The following NTRK1 variants were observed in gnomAD, a reference collection of about 807,000 sequenced individuals.
NTRK1 encodes neurotrophic receptor tyrosine kinase 1.
In NTRK1, 62 loss-of-function variants were observed where a neutral mutation model predicts 86.8. The observed-to-expected ratio is 0.71, with a 90% CI of 0.58 to 0.88. The LOEUF is 0.88. Ranked by LOEUF, NTRK1 falls within the 40% of genes least tolerant of loss-of-function variation. The pLI is 0.00. For synonymous variants in NTRK1, 469 were observed against 456.6 expected (o/e 1.03, Z -0.35); for missense variants, 967 against 1,078.4 (o/e 0.90, Z 1.45).
chr1:156,844,697 G>A (rs1302816619), intron 2 of NTRK1: 3 of 1,614,082 alleles, frequency 1.9e-6, no homozygotes, highest in Non-Finnish European at 1.7e-6. Flanking sequence ...GGGGTCCCAC[G>A]GGCACCTACC....
At chr1:156,868,017 C>T in intron 4 of NTRK1, 87 bp from the exon 5 acceptor site, 1 of 1,476,150 alleles carries the variant, frequency 6.8e-7, no homozygotes, top group Non-Finnish European at 9.4e-7. Context: ...GTAGACGGTC[C>T]TCCCTGCTGC....
chr1:156,818,514 C>T (rs1481592929), intron 1 of NTRK1, among the ~76,000 whole-genome samples: 2 of 152,170 alleles, frequency 1.3e-5, no homozygotes, highest in Non-Finnish European at 2.9e-5. Context: ...TCCCTTATAT[C>T]ACTCTCATGC....
At position 156,849,130 on chromosome 1, in the gene NTRK1, A is replaced by C. The variant is rs1052955476; in HGVS notation, c.50+6937A>C. The stretch of plus-strand genomic sequence containing the variant: ...CCTGACCCCGCGGCATCCCATTCCC[A>C]GTGAGACCTCTGAGGAGAACTTCTC... On this transcript the variant is annotated intron_variant, in intron 2 of 16. Transcript: ENST00000392302. 3.8e-6 allele frequency: 6 copies of C among 1,596,894 alleles called. No individual in the cohort carries two copies. In the African/African-American group the frequency reaches 8.1e-5, roughly 21 times the overall value.
At chr1:156,830,513 G>A (rs1454924653) in intron 1 of NTRK1, among the ~76,000 whole-genome samples, 1 of 151,440 alleles carries the variant, frequency 6.6e-6, no homozygotes, top group African/African-American at 2.4e-5. Flanking sequence ...TGGTAAACGG[G>A]GGAAGAACAC....
intron 1 of NTRK1, among the ~76,000 whole-genome samples, chr1:156,832,773 C>T (rs892342992): frequency 3.3e-5 from 5 of 152,180 alleles, no homozygotes; most frequent in Admixed American, 3.3e-4. Flanking sequence ...GTTTCATCAT[C>T]CTCATTCCTT....
intron 1 of NTRK1, chr1:156,840,764 A>T (rs1654743567): frequency 7.1e-6 from 6 of 844,660 alleles, no homozygotes; most frequent in Non-Finnish European, 7.7e-6. Flanking sequence ...ACCCTCGGCC[A>T]TCCCTTGCCC....
At chr1:156,849,034 G>A in intron 2 of NTRK1, 1 of 1,613,378 alleles carries the variant, frequency 6.2e-7, no homozygotes, top group Non-Finnish European at 8.5e-7. Context: ...CGAAGCGCAG[G>A]GTGCGAGTCT....
chr1:156,856,413 C>A (rs1318898897), upstream of NTRK1, among the ~76,000 whole-genome samples: 1 of 152,176 alleles, frequency 6.6e-6, no homozygotes, highest in East Asian at 1.9e-4. Context: ...AATTTGATTA[C>A]TCTTGAAAGG....
At chr1:156,846,129 C>T (rs12064115) in intron 2 of NTRK1, 164,118 of 1,576,152 alleles carry the variant, frequency 0.1, 8,846 homozygotes, top group South Asian at 0.14. Flanking sequence ...GCTAGGAGTG[C>T]GAGAAGGATG....
rs746595217 is a variant in NTRK1, at chr1:156,845,450, G to T, written c.50+3257G>T. The T allele has an allele frequency of 5.2e-6, 8 of 1,527,194 alleles. No individual in the cohort carries two copies. In the South Asian group the frequency reaches 1.0e-4, roughly 20 times the overall value. 94.6% of individuals were successfully genotyped at this position (1,527,194 alleles called of 1,614,324 possible). On this transcript the variant is annotated intron_variant, in intron 2 of 16. Coordinates refer to the NTRK1 transcript ENST00000392302. ...AGGAGTAGCCCTATCAGGCCTGTCC[G>T]GATGCACCCCTGTGCCCTCTGCAGC... is the stretch of plus-strand genomic sequence containing the variant.
At chr1:156,843,486 C>T (rs757173008) in intron 2 of NTRK1, 49 of 1,613,968 alleles carry the variant, frequency 3.0e-5, no homozygotes, top group African/African-American at 9.3e-5. Flanking sequence ...GTTTCTGCAA[C>T]GGGAGGTGAG....
At position 156,881,623 on chromosome 1, in the gene NTRK1, A is replaced by ACCTG; in HGVS notation, c.2373_2376dup (p.Asp793ProfsTer?). On this transcript the variant is annotated frameshift_variant, in exon 17 of 17. Coordinates refer to ENST00000524377, the MANE Select transcript of NTRK1 (RefSeq NM_002529.4). LOFTEE classifies it high-confidence loss of function. The stretch of plus-strand genomic sequence containing the variant: ...GCCCTGGCCCAGGCACCTCCTGTCT[A>ACCTG]CCTGGATGTCCTGGGCTAGGGGGCC... 5 of 1,608,558 alleles carry ACCTG rather than the reference A, an allele frequency of 3.1e-6. No homozygotes were observed. The highest frequency in any genetic ancestry group is 4.2e-6 in the Non-Finnish European group (5 of 1,178,022).
intron 3 of NTRK1, 123 bp downstream of exon 3, chr1:156,864,922 C>T: frequency 1.1e-6 from 1 of 939,152 alleles, no homozygotes; most frequent in Non-Finnish European, 1.7e-6. Context: ...AGGGAAGTCA[C>T]CTCACCATTC....
chr1:156,841,354 G>T, intron 1 of NTRK1: 1 of 1,597,002 alleles, frequency 6.3e-7, no homozygotes, highest in Non-Finnish European at 8.6e-7. Context: ...AGGGTTGTAG[G>T]TAGATCAACA....
intron 2 of NTRK1, among the ~76,000 whole-genome samples, chr1:156,843,650 C>A (rs141101092): frequency 3.9e-5 from 6 of 152,352 alleles, no homozygotes; most frequent in African/African-American, 1.4e-4. Flanking sequence ...TTGGCCTTGG[C>A]CCTATTCCTG....
chr1:156,822,851 T>C (rs897971725), intron 1 of NTRK1, among the ~76,000 whole-genome samples: 15 of 152,122 alleles, frequency 9.9e-5, no homozygotes, highest in African/African-American at 3.6e-4. Flanking sequence ...ACTAGACACA[T>C]GAAACTATTC....
chr1:156,834,776 G>C (rs1236307318), intron 1 of NTRK1, among the ~76,000 whole-genome samples: 1 of 151,438 alleles, frequency 6.6e-6, no homozygotes, highest in Non-Finnish European at 1.5e-5. Flanking sequence ...GTGGGGAGGA[G>C]TGGCTCTGGG....
chr1:156,875,507 G>A lies in NTRK1; in HGVS notation c.1355-13G>A, dbSNP rs1647847128. 2 of 1,613,622 alleles carry A rather than the reference G, an allele frequency of 1.2e-6. No individual in the cohort carries two copies. The highest frequency in any genetic ancestry group is 8.5e-7 in the Non-Finnish European group (1 of 1,180,012). ...TGGGCAAACCCCTCCATGCGGCTGT[G>A]TCTCCTCTCTAGGCCCGGCTGTGCT... On this transcript the variant is annotated splice_polypyrimidine_tract_variant and intron_variant, in intron 11 of 16. Coordinates refer to ENST00000524377, the MANE Select transcript of NTRK1 (RefSeq NM_002529.4).
chr1:156,816,231 C>T, intron 1 of NTRK1: 2 of 1,398,860 alleles, frequency 1.4e-6, no homozygotes, highest in Non-Finnish European at 1.9e-6. Context: ...AGAAGGGCAG[C>T]AGGGGAGTTT....
Sources: gnomAD v4.1 joint callset for allele counts (sites outside exome capture counted in the v4.1 genomes callset) on GRCh38, gnomAD v4.1.1 for gene constraint, MANE v1.5 for transcripts, NCBI Gene and HGNC (gene_info 2026-07-23, HGNC 2026-07-21) for gene names.